TRPM5: variants seen among roughly 807,000 people sequenced by gnomAD.
The protein encoded by TRPM5 is MLSN1 and TRP-related.
Under a neutral mutation model 124.9 loss-of-function variants are expected in TRPM5, and 121 were observed. The observed-to-expected ratio is 0.97, with a 90% CI of 0.84 to 1.13. The LOEUF is 1.13. Among genes scored for constraint, TRPM5 ranks in the 50% most tolerant of loss-of-function variants. TRPM5 has a pLI of 0.00. For synonymous variants in TRPM5, 781 were observed against 700.5 expected, an observed-to-expected ratio of 1.11 and a Z score of -1.81; for missense variants, 1,643 against 1,589.1, an observed-to-expected ratio of 1.03 and a Z score of -0.58.
rs1488154197 is a variant in TRPM5 at position 2,407,003 on chromosome 11, C to T, written c.3118+116G>A. 4.4e-6 allele frequency: 6 copies of T among 1,354,076 alleles called. No homozygotes were observed. In the African/African-American group the frequency reaches 5.9e-5, roughly 13 times the overall value. The allele number at this position is 1,354,076 out of a possible 1,614,324, so 83.9% of individuals were successfully genotyped here. ...AGCCTGCACAGAGCCCAGCTGAGGACCCACAGGGCTGAGGAGGGGTCCAGG... is the reference window on the plus strand; with the variant it reads ...AGCCTGCACAGAGCCCAGCTGAGGATCCACAGGGCTGAGGAGGGGTCCAGG... On this transcript the variant is annotated intron_variant, in intron 20 of 23. Coordinates refer to ENST00000155858, the Ensembl canonical transcript of TRPM5.
chr11:2,415,040 C>T (rs745703273), exon 10 of TRPM5: 1 of 1,601,386 alleles, frequency 6.2e-7, no homozygotes, highest in South Asian at 1.1e-5. Context: ...CTTGGCCGGG[C>T]CCTTCTCCTG....
At chr11:2,441,200 G>T in the TRPM5 span, among the ~76,000 whole-genome samples, 1 of 152,330 alleles carries the variant, frequency 6.6e-6, no homozygotes, top group African/African-American at 2.4e-5. This position sits in a 1 kb window ranked among gnomAD's most constrained non-coding sequence, Gnocchi z 7.2. Flanking sequence ...GCACCCACCG[G>T]AATGATAGAG....
chr11:2,443,646 G>A, the TRPM5 span, among the ~76,000 whole-genome samples: 1 of 152,164 alleles, frequency 6.6e-6, no homozygotes. The surrounding 1 kb of genome is among the most constrained non-coding windows in gnomAD (Gnocchi z 5.0). Flanking sequence ...CTTTTGGCAG[G>A]GGGTGGTAGA....
At chr11:2,406,707 G>A (rs374963258) in exon 21 of TRPM5, 21 of 1,613,290 alleles carry the variant, frequency 1.3e-5, no homozygotes, top group East Asian at 8.9e-5. Flanking sequence ...TCCCTCCTCC[G>A]CTTCTCCATC....
chr11:2,430,894 CG>C, the TRPM5 span, among the ~76,000 whole-genome samples: 1 of 76,666 alleles, frequency 1.3e-5, no homozygotes, highest in Non-Finnish European at 2.8e-5. Context: ...GTGATGGTGA[CG>C]GTATTGGTGG....
chr11:2,419,298 T>A (rs1281888490), intron 4 of TRPM5, among the ~76,000 whole-genome samples: 4 of 152,168 alleles, frequency 2.6e-5, no homozygotes, highest in African/African-American at 4.8e-5. Context: ...CGAGACTTTG[T>A]GTTTTCAATT....
rs375599255 is a variant in TRPM5 at position 2,411,509 on chromosome 11, G to A, written c.2625C>T (p.Phe875=). ...GCCACACGCTCAGAAAGAAGAGGAAGAAGAAGACGTCCTTCATCTCCACGG... is the reference window on the plus strand; with the variant it reads ...GCCACACGCTCAGAAAGAAGAGGAAAAAGAAGACGTCCTTCATCTCCACGG... Residue 875 remains phenylalanine, a synonymous_variant, in exon 18 of 24, where the codon TTC becomes TTT. Coordinates refer to ENST00000155858, the Ensembl canonical transcript of TRPM5. The A allele has an allele frequency of 1.9e-5, 30 of 1,609,108 alleles. No homozygotes were observed. The African/African-American group carries it at 3.6e-4, about 19-fold the overall frequency.
At chr11:2,412,276 A>G in intron 15 of TRPM5, 23 bp from the exon 21 acceptor site, 1 of 1,585,398 alleles carries the variant, frequency 6.3e-7, no homozygotes, top group African/African-American at 1.3e-5. Context: ...TGGGCAGTCC[A>G]CTGACAGCTG....
chr11:2,422,377 G>T, intron 1 of TRPM5, 56 bp from the exon 7 acceptor site: 1 of 1,490,638 alleles, frequency 6.7e-7, no homozygotes, highest in Non-Finnish European at 9.1e-7. Context: ...GGGAGCTGCT[G>T]GGCATTGGGG....
chr11:2,411,905 T>A, intron 16 of TRPM5, 138 bp from the exon 22 acceptor site: 1 of 1,100,050 alleles, frequency 9.1e-7, no homozygotes, highest in Non-Finnish European at 1.3e-6. Flanking sequence ...TCATCTTTTG[T>A]TTATTTATTT....
chr11:2,405,210 G>A (rs1340820931), intron 23 of TRPM5, among the ~76,000 whole-genome samples, 167 bp from the exon 29 acceptor site: 1 of 152,238 alleles, frequency 6.6e-6, no homozygotes, highest in Non-Finnish European at 1.5e-5. Flanking sequence ...CCAGGCCTCT[G>A]CCTGCACTCC....
chr11:2,437,815 G>C, the TRPM5 span, among the ~76,000 whole-genome samples: 2 of 152,154 alleles, frequency 1.3e-5, no homozygotes, highest in Non-Finnish European at 2.9e-5. This position sits in a 1 kb window ranked among gnomAD's most constrained non-coding sequence, Gnocchi z 5.6. Context: ...TGAGCTGACC[G>C]GTCTTTATGA....
At chr11:2,444,486 C>G in the TRPM5 span, among the ~76,000 whole-genome samples, 5 of 148,302 alleles carry the variant, frequency 3.4e-5, no homozygotes, top group Admixed American at 6.7e-5. Context: ...AGCAGGCGGG[C>G]ATCAGAAGTG....
chr11:2,417,963 C>T (rs1323216998), intron 6 of TRPM5, 134 bp from the exon 12 acceptor site: 25 of 1,027,128 alleles, frequency 2.4e-5, no homozygotes, highest in Middle Eastern at 3.0e-4. Flanking sequence ...CACCGCCCAC[C>T]GGGCCCGGCC....
chr11:2,404,875 T>C, exon 24 of TRPM5: 1 of 1,444,572 alleles, frequency 6.9e-7, no homozygotes, highest in African/African-American at 1.4e-5. Flanking sequence ...CAAAGGTCAG[T>C]GCACAACGTG....
In TRPM5 at chr11:2,416,641, ACCT is replaced by A. The variant is rs145240492; in HGVS notation, c.1010-620_1010-618del. ...GTTCCTAAACGGGGAGGTTTCTTTG[ACCT>A]CCTTGTCCTGGTGAGGTTTCTAAAC... On this transcript the variant is annotated intron_variant, in intron 7 of 23. Transcript: ENST00000155858. Among the ~76,000 whole-genome samples the A allele has an allele frequency of 2.2e-4, 34 of 151,594 alleles. No individual in the cohort carries two copies. In the East Asian group the frequency reaches 6.6e-3, roughly 30 times the overall value.
intron 22 of TRPM5, 97 bp from the exon 28 acceptor site, chr11:2,405,690 G>T: frequency 7.5e-7 from 1 of 1,333,846 alleles, no homozygotes; most frequent in South Asian, 1.3e-5. Context: ...CAGGGCCCCC[G>T]CTGCCCTGTG....
upstream of TRPM5, among the ~76,000 whole-genome samples, chr11:2,424,893 G>A (rs546368244): frequency 4.6e-5 from 7 of 152,322 alleles, no homozygotes; most frequent in South Asian, 1.0e-3. Context: ...ACCCACCCAC[G>A]GGCCTCAGCC....
At chr11:2,414,009 G>GGGGCCGCCCCCCCCCCCCCCCC in intron 12 of TRPM5, 52 bp downstream of exon 17, 1 of 1,023,734 alleles carries the variant, frequency 9.8e-7, no homozygotes, top group Non-Finnish European at 1.4e-6. Flanking sequence ...GGCCCAGCTC[G>GGGGCCGCCCCCCCCCCCCCCCC]CCCGCCCACC....
Sources: gnomAD v4.1 joint callset for allele counts (sites outside exome capture counted in the v4.1 genomes callset) on GRCh38, gnomAD v4.1.1 for gene constraint, Gnocchi (gnomAD v3.1) non-coding constraint, MANE v1.5 for transcripts, NCBI Gene and HGNC (gene_info 2026-07-23, HGNC 2026-07-21) for gene names.